Variants in FHAD1 observed in about 807,000 individuals in gnomAD.
FHAD1 encodes the protein forkhead associated phosphopeptide binding domain 1, also known as forkhead-associated domain-containing protein 1.
Under a neutral mutation model 191.3 loss-of-function variants are expected in FHAD1, and 146 were observed. That is an observed-to-expected ratio of 0.76 (90% confidence interval 0.67 to 0.88). The LOEUF (loss-of-function observed/expected upper bound fraction) is 0.88, where lower values mean the gene tolerates loss of function less well. FHAD1 is among the 40% of genes least tolerant of loss of function. The pLI, the probability that FHAD1 is intolerant of heterozygous loss-of-function variation, is 0.00. For missense variants in FHAD1, 1,635 were observed against 1,785.8 expected (o/e 0.92, Z 1.52); for synonymous variants, 616 against 672.3 (o/e 0.92, Z 1.29).
rs754872796 is a variant in FHAD1, at chr1:15,308,752, C to T, written c.1039+16C>T. 30 of 1,551,372 alleles carry T rather than the reference C, an allele frequency of 1.9e-5. 1 individual carries two copies. The Middle Eastern group carries it at 5.0e-4, about 26-fold the overall frequency. On this transcript the variant is annotated intron_variant, in intron 7 of 33. Coordinates refer to ENST00000688493, the MANE Select transcript of FHAD1 (RefSeq NM_001391957.1). ...ATCACATCAGGTGAGCCCTTGGAGTCGGGCCTGGGAGCTGCCACTCCCGCA... is the reference window on the plus strand; with the variant it reads ...ATCACATCAGGTGAGCCCTTGGAGTTGGGCCTGGGAGCTGCCACTCCCGCA...
intron 1 of FHAD1, among the ~76,000 whole-genome samples, chr1:15,237,538 G>C (rs1328873511): frequency 6.6e-6 from 1 of 152,022 alleles, no homozygotes; most frequent in African/African-American, 2.4e-5. Flanking sequence ...TCCAACCCCA[G>C]CCCCTCAGCC....
chr1:15,286,726 G>A (rs1053072428), intron 3 of FHAD1, among the ~76,000 whole-genome samples: 1 of 152,230 alleles, frequency 6.6e-6, no homozygotes, highest in Non-Finnish European at 1.5e-5. Context: ...TTGGCCGAGA[G>A]AGGGAGGGAG....
chr1:15,351,832 G>A (rs1690999006), intron 19 of FHAD1, among the ~76,000 whole-genome samples: 1 of 151,696 alleles, frequency 6.6e-6, no homozygotes, highest in Non-Finnish European at 1.5e-5. Flanking sequence ...GGTTGAGGGG[G>A]GTGCCTGGGA....
chr1:15,347,959 A>G (rs1689517680), intron 18 of FHAD1, among the ~76,000 whole-genome samples: 1 of 152,194 alleles, frequency 6.6e-6, no homozygotes, highest in Admixed American at 6.5e-5. Flanking sequence ...GACTGCAGAG[A>G]AGCCACCCAG....
At chr1:15,366,041 A>G in intron 24 of FHAD1, 108 bp downstream of exon 24, 1 of 722,022 alleles carries the variant, frequency 1.4e-6, no homozygotes, top group East Asian at 2.8e-5. Flanking sequence ...TAATCCCAGC[A>G]CTTTGGGAGG....
chr1:15,356,983 T>C (rs1693015961), intron 20 of FHAD1, among the ~76,000 whole-genome samples: 1 of 152,206 alleles, frequency 6.6e-6, no homozygotes. Context: ...CGATTTCTTT[T>C]CTTCTCCCCT....
intron 24 of FHAD1, among the ~76,000 whole-genome samples, chr1:15,366,870 CAT>C (rs1337867586): frequency 1.3e-5 from 2 of 152,182 alleles, no homozygotes; most frequent in Non-Finnish European, 2.9e-5. Flanking sequence ...CTCTCTTTCC[CAT>C]CTCTACTCTC....
chr1:15,381,300 A>G lies in FHAD1; in HGVS notation c.3871A>G (p.Lys1291Glu), dbSNP rs1700843827. The change falls in exon 30 of 34, where the codon AAA becomes GAA. Residue 1291 changes from lysine (K) to glutamate (E), a missense_variant. Coordinates refer to ENST00000688493, the MANE Select transcript of FHAD1 (RefSeq NM_001391957.1). This position sits in a 1 kb window ranked among gnomAD's most constrained non-coding sequence, Gnocchi z 4.6. ...IKNMSGHVSM[K>E]YLSRQEREKV... ...GAATATGTCAGGCCACGTGTCCATGAAATACCTCTCCCGCCAGGAGAGGGA... is the reference window on the plus strand; with the variant it reads ...GAATATGTCAGGCCACGTGTCCATGGAATACCTCTCCCGCCAGGAGAGGGA... The G allele has an allele frequency of 2.6e-6, 4 of 1,551,686 alleles. No individual in the cohort carries two copies. Among genetic ancestry groups the G allele is most frequent in the Non-Finnish European group, 3.5e-6 (4 of 1,146,980 alleles).
intron 32 of FHAD1, among the ~76,000 whole-genome samples, chr1:15,389,459 A>AAAC (rs1431893536): frequency 6.9e-6 from 1 of 144,348 alleles, no homozygotes; most frequent in African/African-American, 2.9e-5. Context: ...AAAAAAAAAA[A>AAAC]AAAAAAAAAC....
intron 16 of FHAD1, among the ~76,000 whole-genome samples, chr1:15,344,827 C>G (rs1034384218): frequency 6.6e-6 from 1 of 152,182 alleles, no homozygotes; most frequent in East Asian, 1.9e-4. Flanking sequence ...TTACTGTCTC[C>G]GTTGTACAGG....
chr1:15,359,422 T>G (rs949419870), intron 21 of FHAD1, among the ~76,000 whole-genome samples: 1 of 151,352 alleles, frequency 6.6e-6, no homozygotes. Context: ...CAGGGTGAGG[T>G]GGGAGCAGAA....
At chr1:15,240,582 G>C (rs1645228235) in intron 1 of FHAD1, among the ~76,000 whole-genome samples, 1 of 144,388 alleles carries the variant, frequency 6.9e-6, no homozygotes, top group South Asian at 2.2e-4. Flanking sequence ...AGTGAGTTAC[G>C]ATCACATCAC....
At chr1:15,277,120 A>G (rs1658676720) in intron 3 of FHAD1, among the ~76,000 whole-genome samples, 1 of 152,178 alleles carries the variant, frequency 6.6e-6, no homozygotes, top group Non-Finnish European at 1.5e-5. Context: ...CTGTTCTTAT[A>G]AAGCAGCTAG....
chr1:15,366,154 T>C (rs1031614416), intron 24 of FHAD1, among the ~76,000 whole-genome samples: 4 of 151,852 alleles, frequency 2.6e-5, no homozygotes, highest in African/African-American at 7.3e-5. Flanking sequence ...GGTGTGGTGG[T>C]GGGCACCTGT....
At chr1:15,275,866 A>G (rs199642075) in intron 3 of FHAD1, among the ~76,000 whole-genome samples, 158 of 152,258 alleles carry the variant, frequency 1.0e-3, no homozygotes, top group African/African-American at 3.8e-3. Flanking sequence ...TTCCTTTGGA[A>G]GAGGACTGTC....
intron 32 of FHAD1, among the ~76,000 whole-genome samples, chr1:15,390,344 C>CA (rs59353142): frequency 0.054 from 3,694 of 67,952 alleles, 118 homozygotes; most frequent in Non-Finnish European, 0.067. Context: ...GACTCTGTCT[C>CA]AAAAAAAAAA....
rs1472103607 is a variant in FHAD1, at chr1:15,381,238, A to T, written c.3809A>T (p.Asp1270Val). Reference protein sequence around the residue: ...ALELSEKLYLDMSKTLGSLMN... With the variant: ...ALELSEKLYLVMSKTLGSLMN... Reference sequence around the variant, plus strand: ...CGAACGTTTTCCTTGTAGTACCTGGATATGAGCAAAACCCTCGGAAGTCTC... The same window carrying T: ...CGAACGTTTTCCTTGTAGTACCTGGTTATGAGCAAAACCCTCGGAAGTCTC... The change falls in exon 30 of 34, where the codon GAT becomes GTT. Residue 1270 changes from aspartate (D) to valine (V), a missense_variant. By Grantham distance (152) the Asp-to-Val change is radical (BLOSUM62 -3). Coordinates refer to ENST00000688493, the MANE Select transcript of FHAD1 (RefSeq NM_001391957.1). The surrounding 1 kb of genome is among the most constrained non-coding windows in gnomAD (Gnocchi z 4.6). The T allele has an allele frequency of 1.9e-6, 3 of 1,551,246 alleles. No individual in the cohort carries two copies. Among genetic ancestry groups the T allele is most frequent in the African/African-American group, 2.7e-5 (2 of 73,036 alleles).
intron 33 of FHAD1, among the ~76,000 whole-genome samples, chr1:15,392,412 G>A (rs2103130619): frequency 6.6e-6 from 1 of 152,240 alleles, no homozygotes; most frequent in East Asian, 1.9e-4. Flanking sequence ...GGCGCCTGTA[G>A]TCCCAGCTAC....
intron 19 of FHAD1, among the ~76,000 whole-genome samples, chr1:15,351,657 A>G (rs1355797644): frequency 6.6e-6 from 1 of 152,224 alleles, no homozygotes; most frequent in Admixed American, 6.5e-5. Context: ...TAACACACCA[A>G]GTAGTGCATA....
Sources: allele counts gnomAD v4.1 joint callset (sites outside exome capture counted in the v4.1 genomes callset), GRCh38; gene constraint gnomAD v4.1.1; non-coding constraint Gnocchi (gnomAD v3.1); transcripts MANE v1.5; gene names NCBI Gene and HGNC (gene_info 2026-07-23, HGNC 2026-07-21).